Variants in SAMHD1 observed in about 807,000 individuals in gnomAD.
SAMHD1 encodes SAM and HD domain containing deoxynucleoside triphosphate triphosphohydrolase 1.
SAMHD1 carries 54 observed loss-of-function variants against 79.6 expected under a neutral mutation model. The observed-to-expected ratio is 0.68, with a 90% confidence interval of 0.55 to 0.85. The LOEUF (loss-of-function observed/expected upper bound fraction) is 0.85. Ranked by LOEUF, SAMHD1 falls within the 40% of genes least tolerant of loss-of-function variation. The pLI is 0.00. For synonymous variants in SAMHD1, 260 were observed against 264.1 expected (o/e 0.98, Z 0.15); for missense variants, 663 against 782.7 (o/e 0.85, Z 1.82).
At chr20:36,912,889 GTTTTTTTTTTTTTT>G (rs71186089) in intron 9 of SAMHD1, among the ~76,000 whole-genome samples, 2 of 41,104 alleles carry the variant, frequency 4.9e-5, no homozygotes, top group Non-Finnish European at 8.2e-5. Flanking sequence ...TTCATTCTTT[GTTTTTTTTTTTTTT>G]TTTTTTTTTT....
chr20:36,938,794 C>T (rs920112006), intron 3 of SAMHD1, among the ~76,000 whole-genome samples: 8 of 149,808 alleles, frequency 5.3e-5, no homozygotes, highest in Admixed American at 2.7e-4. Context: ...TGCAGTGAGC[C>T]GAGATTGCAC....
rs1990238759 is a variant in SAMHD1 at position 36,898,461 on chromosome 20, T to G, written c.1587A>C (p.Ala529=). The G allele has an allele frequency of 6.2e-7, 1 of 1,613,646 alleles. No individual in the cohort carries two copies. Among genetic ancestry groups the G allele is most frequent in the Admixed American group, 1.7e-5 (1 of 59,986 alleles). Residue 529 remains alanine, a synonymous_variant, in exon 14 of 16, where the codon GCA becomes GCC. Transcript: ENST00000646673. Reference sequence around the variant, plus strand: ...TTACCTGGTTTTTAGTAATCCTGATTGCTCTGTTGGGGGCAGTCTTACAAT... The same window carrying G: ...TTACCTGGTTTTTAGTAATCCTGATGGCTCTGTTGGGGGCAGTCTTACAAT... ...SFYCKTAPNR[A]IRITKNQVSQ... is the part of the protein sequence containing the mutation.
chr20:36,910,215 T>C (rs1441408247), intron 11 of SAMHD1, among the ~76,000 whole-genome samples: 7 of 108,794 alleles, frequency 6.4e-5, no homozygotes, highest in East Asian at 3.2e-4. Context: ...AGAGCAAGAC[T>C]CCGTATCAAA....
chr20:36,904,366 T>G (rs2063393518), intron 12 of SAMHD1, 117 bp from the exon 13 acceptor site: 1 of 763,798 alleles, frequency 1.3e-6, no homozygotes, highest in African/African-American at 1.7e-5. Flanking sequence ...GAGATATCCT[T>G]AACAAATATA....
intron 4 of SAMHD1, among the ~76,000 whole-genome samples, chr20:36,931,688 C>T (rs777842193): frequency 6.6e-5 from 10 of 151,948 alleles, no homozygotes; most frequent in Admixed American, 1.3e-4. Flanking sequence ...CAGACATGTT[C>T]ATAGCAGCAC....
intron 5 of SAMHD1, 37 bp downstream of exon 5, chr20:36,930,718 TTATGA>T (rs747752190): frequency 1.1e-5 from 15 of 1,336,904 alleles, no homozygotes; most frequent in Non-Finnish European, 1.6e-5. Flanking sequence ...GTAACATATG[TTATGA>T]TTTTACATAA....
intron 15 of SAMHD1, chr20:36,897,484 A>G (rs1990219414): frequency 2.8e-6 from 1 of 361,848 alleles, no homozygotes; most frequent in South Asian, 2.6e-5. Flanking sequence ...TAAACAAGTT[A>G]ACTACTCAGC....
chr20:36,927,191 C>T lies in SAMHD1; in HGVS notation c.687G>A (p.Val229=). The change falls in exon 6 of 16, where the codon GTG becomes GTA. Residue 229 remains valine (V), a synonymous_variant. Transcript: ENST00000646673. ...CTGTATGAATACATACCGTCCATTTCACCTCCGGGCGAGCAAGTGGAATAA... is the reference window on the plus strand; with the variant it reads ...CTGTATGAATACATACCGTCCATTTTACCTCCGGGCGAGCAAGTGGAATAA... The part of the protein sequence containing the change: ...GRFIPLARPE[V]KWTHEQGSVM... The T allele has an allele frequency of 6.2e-7, 1 of 1,613,500 alleles. No individual in the cohort carries two copies. The highest frequency in any genetic ancestry group is 8.5e-7 in the Non-Finnish European group (1 of 1,179,510).
intron 3 of SAMHD1, chr20:36,940,753 T>C: frequency 2.1e-6 from 1 of 466,644 alleles, no homozygotes; most frequent in Non-Finnish European, 3.9e-6. Context: ...AATATTTTGC[T>C]CTAAAAATAA....
At chr20:36,923,241 C>T (rs897733891) in intron 6 of SAMHD1, among the ~76,000 whole-genome samples, 18 of 149,632 alleles carry the variant, frequency 1.2e-4, no homozygotes, top group African/African-American at 3.4e-4. Flanking sequence ...CCTTGTGATC[C>T]GCCCACCTTG....
rs990236894 is a variant in SAMHD1, at chr20:36,918,073, A to G, written c.853-1024T>C. Among the ~76,000 whole-genome samples the G allele has an allele frequency of 4.0e-5, 6 of 151,718 alleles. No individual in the cohort carries two copies. The South Asian group carries it at 8.3e-4, about 21-fold the overall frequency. ...AGCTCTGTTGCCCAGGCTGGAGTGC[A>G]GTTGCACAATCACAGATCACTGCAG... is the stretch of plus-strand genomic sequence containing the variant. On this transcript the variant is annotated intron_variant, in intron 7 of 15. Transcript: ENST00000646673.
intron 11 of SAMHD1, among the ~76,000 whole-genome samples, chr20:36,907,564 C>CAA (rs74174001): frequency 7.5e-6 from 1 of 132,642 alleles, no homozygotes; most frequent in African/African-American, 3.0e-5. Context: ...TTTTTTTAGA[C>CAA]AGACTCACCC....
intron 11 of SAMHD1, among the ~76,000 whole-genome samples, chr20:36,906,709 A>ATTTCAAAATAATTTTGAAATT (rs1323464206): frequency 1.3e-5 from 2 of 151,926 alleles, no homozygotes; most frequent in African/African-American, 4.8e-5. Flanking sequence ...ATTTTGAAAA[A>ATTTCAAAATAATTTTGAAATT]TTTCAAAATA....
At chr20:36,893,828 C>A (rs1474134793) in intron 15 of SAMHD1, 1 of 398,400 alleles carries the variant, frequency 2.5e-6, no homozygotes, top group Admixed American at 4.4e-5. Flanking sequence ...CTTCCTCTCC[C>A]TACTCTGTCT....
chr20:36,938,269 C>T (rs575921527), intron 3 of SAMHD1, among the ~76,000 whole-genome samples: 48 of 152,110 alleles, frequency 3.2e-4, no homozygotes, highest in African/African-American at 1.1e-3. Context: ...TGGCTGGGCA[C>T]GGTGGCTCAT....
chr20:36,918,889 A>G (rs1259726987), intron 7 of SAMHD1, among the ~76,000 whole-genome samples: 1 of 151,828 alleles, frequency 6.6e-6, no homozygotes, highest in Admixed American at 6.6e-5. Flanking sequence ...TAATCCCAGC[A>G]CTTTCAGAGG....
At chr20:36,922,731 G>C (rs1216772044) in intron 6 of SAMHD1, among the ~76,000 whole-genome samples, 3 of 152,014 alleles carry the variant, frequency 2.0e-5, no homozygotes, top group Non-Finnish European at 4.4e-5. Context: ...TACCTACGTT[G>C]GAGTGCAGTA....
intron 3 of SAMHD1, among the ~76,000 whole-genome samples, chr20:36,938,722 G>T (rs2063620708): frequency 6.6e-6 from 1 of 151,882 alleles, no homozygotes; most frequent in South Asian, 2.1e-4. Context: ...TGTAGTCCCA[G>T]CTACTCAGGA....
intron 3 of SAMHD1, among the ~76,000 whole-genome samples, chr20:36,936,754 C>T (rs1049345772): frequency 6.6e-6 from 1 of 151,998 alleles, no homozygotes; most frequent in African/African-American, 2.4e-5. Flanking sequence ...TCATTGTAAC[C>T]TCTGCCTCCC....
Sources: allele counts gnomAD v4.1 joint callset (sites outside exome capture counted in the v4.1 genomes callset), GRCh38; gene constraint gnomAD v4.1.1; transcripts MANE v1.5; gene names NCBI Gene and HGNC (gene_info 2026-07-23, HGNC 2026-07-21).